Variants in ARMH4 observed in about 807,000 individuals in gnomAD.
The protein encoded by ARMH4 is armadillo like helical domain containing 4.
In ARMH4, 49 loss-of-function variants were observed where a neutral mutation model predicts 61.9. The ratio of observed to expected loss-of-function variants is 0.79; its 90% CI spans 0.63 to 1.00. The LOEUF (loss-of-function observed/expected upper bound fraction) is 1.00, where lower values mean the gene tolerates loss of function less well. Among genes scored for constraint, ARMH4 ranks in the 50% least tolerant of loss-of-function variants. The pLI, the probability that ARMH4 is intolerant of heterozygous loss-of-function variation, is 0.00. For missense variants in ARMH4, 934 were observed against 930.0 expected (o/e 1.00, Z -0.06); for synonymous variants, 368 against 341.5 (o/e 1.08, Z -0.85).
At chr14:58,044,477 A>G (rs1883854574) in intron 5 of ARMH4, among the ~76,000 whole-genome samples, 1 of 152,248 alleles carries the variant, frequency 6.6e-6, no homozygotes, top group Non-Finnish European at 1.5e-5. Flanking sequence ...AGATGGATTA[A>G]AGACTTAAAT....
intron 5 of ARMH4, among the ~76,000 whole-genome samples, chr14:58,030,350 T>G (rs754143531): frequency 3.9e-5 from 6 of 152,260 alleles, no homozygotes; most frequent in Non-Finnish European, 7.3e-5. Flanking sequence ...AATTTCTCAC[T>G]TCTTATTTCT....
chr14:58,116,321 C>T (rs1275630904), intron 4 of ARMH4: 1 of 282,056 alleles, frequency 3.5e-6, no homozygotes, highest in Middle Eastern at 4.2e-4. Flanking sequence ...ACAAGATAGT[C>T]CACTTCAAAC....
chr14:58,101,763 T>C (rs547460278), intron 4 of ARMH4, among the ~76,000 whole-genome samples: 1 of 152,014 alleles, frequency 6.6e-6, no homozygotes, highest in African/African-American at 2.4e-5. Context: ...CCAGACACCA[T>C]GGACATGAAG....
At chr14:58,045,679 T>C (rs1388449731) in intron 5 of ARMH4, among the ~76,000 whole-genome samples, 1 of 151,890 alleles carries the variant, frequency 6.6e-6, no homozygotes, top group Admixed American at 6.6e-5. Context: ...GTTGATGGCT[T>C]AACCCTCAGT....
At chr14:58,028,043 T>C (rs1050276392) in intron 5 of ARMH4, among the ~76,000 whole-genome samples, 1 of 152,142 alleles carries the variant, frequency 6.6e-6, no homozygotes, top group African/African-American at 2.4e-5. Flanking sequence ...AGCAAGCATG[T>C]TACACACCCC....
chr14:58,048,876 G>A (rs561530167), intron 5 of ARMH4, among the ~76,000 whole-genome samples: 29 of 152,200 alleles, frequency 1.9e-4, no homozygotes, highest in Admixed American at 4.6e-4. Flanking sequence ...ATGGGAAAAC[G>A]AACCTACTGA....
intron 4 of ARMH4, 31 bp downstream of exon 4, chr14:58,131,481 C>T: frequency 6.4e-7 from 1 of 1,569,648 alleles, no homozygotes; most frequent in Non-Finnish European, 8.8e-7. Context: ...TCAACCAGTC[C>T]TTGAAAAGAT....
At chr14:58,108,233 G>A (rs1220645323) in intron 4 of ARMH4, among the ~76,000 whole-genome samples, 1 of 152,100 alleles carries the variant, frequency 6.6e-6, no homozygotes, top group Non-Finnish European at 1.5e-5. Flanking sequence ...CAGTTAAGCT[G>A]ACTTAGAATA....
intron 5 of ARMH4, among the ~76,000 whole-genome samples, chr14:58,039,393 A>G (rs1362146426): frequency 6.6e-6 from 1 of 152,232 alleles, no homozygotes; most frequent in Non-Finnish European, 1.5e-5. Context: ...GGAAAAGAGA[A>G]ACGCCTATTT....
chr14:58,130,381 C>G (rs779779398), intron 4 of ARMH4, among the ~76,000 whole-genome samples: 58 of 152,068 alleles, frequency 3.8e-4, no homozygotes, highest in Non-Finnish European at 7.2e-4. Flanking sequence ...AGCTGCAAAC[C>G]TAGCTCAACC....
chr14:58,137,737 T>G (rs892951678), intron 2 of ARMH4, among the ~76,000 whole-genome samples: 2 of 152,160 alleles, frequency 1.3e-5, no homozygotes, highest in Admixed American at 6.5e-5. Flanking sequence ...CTTTTCTTTT[T>G]ATTTTTTAAA....
intron 5 of ARMH4, among the ~76,000 whole-genome samples, chr14:58,031,633 C>T (rs1015487869): frequency 6.6e-6 from 1 of 152,156 alleles, no homozygotes; most frequent in Non-Finnish European, 1.5e-5. Flanking sequence ...TCGGCGAGAA[C>T]TGCAGCTACT....
chr14:58,038,950 C>T (rs778353956), intron 5 of ARMH4, among the ~76,000 whole-genome samples: 1 of 152,320 alleles, frequency 6.6e-6, no homozygotes. Context: ...CTGCGTAGCT[C>T]TTCTGTCGTT....
At chr14:58,053,124 G>A (rs1256119943) in intron 5 of ARMH4, among the ~76,000 whole-genome samples, 3 of 152,038 alleles carry the variant, frequency 2.0e-5, no homozygotes, top group African/African-American at 2.4e-5. Flanking sequence ...CCAGTCTATT[G>A]TGACAAGCTC....
At chr14:58,114,138 T>A (rs1286625041) in intron 4 of ARMH4, among the ~76,000 whole-genome samples, 1 of 152,206 alleles carries the variant, frequency 6.6e-6, no homozygotes, top group Non-Finnish European at 1.5e-5. Flanking sequence ...GGTTCTAATC[T>A]GTGGGAAACC....
rs17094349 is a variant in ARMH4 at position 58,096,178 on chromosome 14, T to A, written c.2089+546A>T. Among the ~76,000 whole-genome samples the A allele has an allele frequency of 8.9e-3, 1,348 of 152,294 alleles. 22 individuals are homozygous for A. Among genetic ancestry groups the A allele is most frequent in the African/African-American group, 0.031 (1,293 of 41,562 alleles). ...AATGAAATCGTGTTTGACAAGGTAA[T>A]GCAGCCACAAGTCTGAACAGAAAAA... is the stretch of plus-strand genomic sequence containing the variant. On this transcript the variant is annotated intron_variant, in intron 5 of 7. Transcript: ENST00000267485.
chr14:58,010,348 A>C (rs8015949), intron 6 of ARMH4, among the ~76,000 whole-genome samples: 1,736 of 152,274 alleles, frequency 0.011, 43 homozygotes, highest in African/African-American at 0.04. Flanking sequence ...ATATATGTAC[A>C]TATGTGTGTA....
intron 5 of ARMH4, among the ~76,000 whole-genome samples, chr14:58,064,124 C>T (rs1884626560): frequency 6.7e-6 from 1 of 149,898 alleles, no homozygotes; most frequent in Non-Finnish European, 1.5e-5. Flanking sequence ...TTAACAATTC[C>T]AACACACGAT....
chr14:58,038,405 G>GGA (rs1883557446), intron 5 of ARMH4, among the ~76,000 whole-genome samples: 1 of 108,784 alleles, frequency 9.2e-6, no homozygotes, highest in African/African-American at 3.4e-5. Flanking sequence ...ACTGTGGTGG[G>GGA]GTCGGGGGAG....
Sources: gnomAD v4.1 joint callset for allele counts (sites outside exome capture counted in the v4.1 genomes callset) on GRCh38, gnomAD v4.1.1 for gene constraint, MANE v1.5 for transcripts, NCBI Gene and HGNC (gene_info 2026-07-23, HGNC 2026-07-21) for gene names.